Variants in KMT2C observed in about 807,000 individuals in gnomAD.
KMT2C encodes the protein histone-lysine N-methyltransferase 2C.
KMT2C carries 88 observed loss-of-function variants against 507.9 expected under a neutral mutation model. The observed-to-expected ratio is 0.17, with a 90% CI of 0.15 to 0.21. KMT2C has a LOEUF of 0.21. Among genes scored for constraint, KMT2C ranks in the 10% least tolerant of loss-of-function variants. The pLI is 1.00. For synonymous variants in KMT2C, 2,049 were observed against 2,080.8 expected, an observed-to-expected ratio of 0.98 and a Z score of 0.42; for missense variants, 4,954 against 5,957.8, an observed-to-expected ratio of 0.83 and a Z score of 5.55.
chr7:152,176,761 T>A lies in KMT2C; in HGVS notation c.8692A>T (p.Thr2898Ser), dbSNP rs772095859. 1.2e-6 allele frequency: 2 copies of A among 1,614,150 alleles called. No individual in the cohort carries two copies. Among genetic ancestry groups the A allele is most frequent in the Non-Finnish European group, 1.7e-6 (2 of 1,180,018 alleles). ...ATTACATCTTGAGCAGGTAGTTGAG[T>A]GGATGCCTGAATGACATTTGCACTG... ...GPSANVIQAS[T>S]QLPAQDVINS... The change falls in exon 38 of 59, where the codon ACT becomes TCT. Residue 2898 changes from threonine (T) to serine (S), a missense_variant. By Grantham distance (58) the Thr-to-Ser change is moderately conservative. Around this residue, in one of 29 missense-constraint regions of KMT2C, gnomAD observed 1,689 missense variants for 1,654.3 expected, o/e 1.02. Transcript: ENST00000262189.
intron 6 of KMT2C, among the ~76,000 whole-genome samples, chr7:152,285,637 G>A (rs2096283292): frequency 6.6e-6 from 1 of 152,266 alleles, no homozygotes; most frequent in Non-Finnish European, 1.5e-5. Flanking sequence ...GGAATGGGAG[G>A]ACATTATACC....
intron 3 of KMT2C, among the ~76,000 whole-genome samples, chr7:152,317,257 A>T (rs1033707333): frequency 2.0e-5 from 3 of 152,240 alleles, no homozygotes; most frequent in African/African-American, 7.2e-5. Context: ...AAATTATTAA[A>T]GAATTAGAAA....
In KMT2C at chr7:152,162,360, C is replaced by G; in HGVS notation, c.11217G>C (p.Gln3739His). 6.2e-7 allele frequency: 1 copy of G among 1,614,244 alleles called. No individual in the cohort carries two copies. The highest frequency in any genetic ancestry group is 8.5e-7 in the Non-Finnish European group (1 of 1,180,048). The change falls in exon 43 of 59, where the codon CAG becomes CAC. Residue 3739 changes from glutamine to histidine, a missense_variant. Coordinates refer to ENST00000262189, the MANE Select transcript of KMT2C (RefSeq NM_170606.3). The stretch of plus-strand genomic sequence containing the variant: ...CGTTTCCTTCTACCTTACTACCATT[C>G]TGTTCCTCCAATTTAGGCTCCTCTT... Reference protein sequence around the residue: ...PGQEEPKLEEQNGSKVEGNAV... With the variant: ...PGQEEPKLEEHNGSKVEGNAV...
At chr7:152,180,563 A>G in intron 36 of KMT2C, 148 bp downstream of exon 36, 1 of 623,504 alleles carries the variant, frequency 1.6e-6, no homozygotes, top group Non-Finnish European at 2.7e-6. Context: ...TAATTTCATC[A>G]ATTTCATTTT....
intron 26 of KMT2C, among the ~76,000 whole-genome samples, chr7:152,201,442 A>G (rs1269128394): frequency 6.6e-6 from 1 of 152,044 alleles, no homozygotes; most frequent in Non-Finnish European, 1.5e-5. Context: ...TTGCCAAAGT[A>G]TTAAATGGCT....
In KMT2C at chr7:152,148,859, T is replaced by C. The variant is rs1355031213; in HGVS notation, c.13068A>G (p.Lys4356=). ...CAATATGAATGCTCCACTTCTTCCA[T>C]TTCATTCCTCTCCATTTTTTATTGA... ...RPLNKKWRGM[K]WKKWSIHIVI... The change falls in exon 52 of 59, where the codon AAA becomes AAG. Residue 4356 remains lysine (K), a synonymous_variant. Transcript: ENST00000262189. This position sits in a 1 kb window ranked among gnomAD's most constrained non-coding sequence, Gnocchi z 7.1. 1.9e-6 allele frequency: 3 copies of C among 1,614,246 alleles called. No individual in the cohort carries two copies. Among genetic ancestry groups the C allele is most frequent in the Non-Finnish European group, 2.5e-6 (3 of 1,180,040 alleles).
intron 2 of KMT2C, among the ~76,000 whole-genome samples, chr7:152,353,647 A>G (rs1340117591): frequency 6.6e-6 from 1 of 151,958 alleles, no homozygotes; most frequent in African/African-American, 2.4e-5. Flanking sequence ...ACAGGTGCAC[A>G]CCATCACACC....
At chr7:152,378,386 C>T (rs2097345260) in intron 1 of KMT2C, among the ~76,000 whole-genome samples, 1 of 152,242 alleles carries the variant, frequency 6.6e-6, no homozygotes, top group Non-Finnish European at 1.5e-5. Flanking sequence ...CCAACATCCT[C>T]TATCAGCAAA....
intron 18 of KMT2C, among the ~76,000 whole-genome samples, chr7:152,225,525 GTGAAGACAGAACACGT>G (rs1233688029): frequency 1.3e-5 from 2 of 152,228 alleles, no homozygotes; most frequent in Non-Finnish European, 2.9e-5. Context: ...GCAACTATGT[GTGAAGACAGAACACGT>G]TGTAGACACA....
chr7:152,315,452 CT>C (rs1389815870), intron 3 of KMT2C, 114 bp from the exon 4 acceptor site: 2 of 692,698 alleles, frequency 2.9e-6, no homozygotes, highest in East Asian at 5.3e-5. Flanking sequence ...ACAAGCTAAG[CT>C]TTTCAATCTA....
intron 8 of KMT2C, among the ~76,000 whole-genome samples, chr7:152,263,739 A>G (rs1223369685): frequency 1.3e-5 from 2 of 152,364 alleles, no homozygotes; most frequent in Middle Eastern, 3.4e-3. Context: ...GAACCTTGTC[A>G]TAATTATTAA....
intron 6 of KMT2C, among the ~76,000 whole-genome samples, chr7:152,280,451 T>G (rs546991078): frequency 6.6e-6 from 1 of 152,218 alleles, no homozygotes; most frequent in South Asian, 2.1e-4. Context: ...CCTGGGAGGC[T>G]GAGGCACGAG....
chr7:152,325,467 T>G (rs981197273), intron 3 of KMT2C, among the ~76,000 whole-genome samples: 28 of 141,038 alleles, frequency 2.0e-4, no homozygotes, highest in African/African-American at 3.8e-4. Context: ...TTTATGTGTG[T>G]TTTTTTTTTT....
rs2129132991 is a variant in KMT2C, at chr7:152,199,321, G to A, written c.4231C>T (p.Leu1411=). The change falls in exon 27 of 59, where the codon CTA becomes TTA. Residue 1411 remains leucine (L), a synonymous_variant. Coordinates refer to ENST00000262189, the MANE Select transcript of KMT2C (RefSeq NM_170606.3). ...GTTGGAGCCGAGGATGAACTAAGTAGTGGATCTAAGGAAGGATCCAAGAAA... is the reference window on the plus strand; with the variant it reads ...GTTGGAGCCGAGGATGAACTAAGTAATGGATCTAAGGAAGGATCCAAGAAA... ...TGFLDPSLDP[L]LSSSSAPTKS... The A allele has an allele frequency of 1.9e-6, 3 of 1,601,310 alleles. No individual in the cohort carries two copies. The highest frequency in any genetic ancestry group is 2.6e-6 in the Non-Finnish European group (3 of 1,175,784).
intron 6 of KMT2C, among the ~76,000 whole-genome samples, chr7:152,294,814 C>T (rs1478742549): frequency 1.3e-5 from 2 of 152,104 alleles, no homozygotes; most frequent in East Asian, 1.9e-4. Context: ...TTCTACTATA[C>T]TTCCTGTAAC....
At chr7:152,217,129 A>G (rs919833093) in intron 23 of KMT2C, among the ~76,000 whole-genome samples, 1 of 152,296 alleles carries the variant, frequency 6.6e-6, no homozygotes, top group Non-Finnish European at 1.5e-5. Context: ...CACGTTAGTG[A>G]AACAGTCTAA....
chr7:152,264,933 G>C lies in KMT2C; in HGVS notation c.1184+105C>G. 2.2e-6 allele frequency: 3 copies of C among 1,367,390 alleles called. No homozygotes were observed. In the South Asian group the frequency reaches 5.4e-5, roughly 25 times the overall value. 84.7% of individuals were successfully genotyped at this position (1,367,390 alleles called of 1,614,324 possible). On this transcript the variant is annotated intron_variant, in intron 8 of 58. Coordinates refer to ENST00000262189, the MANE Select transcript of KMT2C (RefSeq NM_170606.3). ...ATGATGAAGTCACTGAATGAATATA[G>C]CTAAAATATGAACAACCTCTATTAT...
At chr7:152,427,035 AG>A (rs200470283) in intron 1 of KMT2C, among the ~76,000 whole-genome samples, 10,888 of 151,550 alleles carry the variant, frequency 0.072, 544 homozygotes, top group Non-Finnish European at 0.11. Context: ...TTTGTTTTTG[AG>A]ACAGAGTCTC....
chr7:152,238,283 A>G (rs1291544094), intron 15 of KMT2C, among the ~76,000 whole-genome samples: 1 of 152,284 alleles, frequency 6.6e-6, no homozygotes, highest in Non-Finnish European at 1.5e-5. Flanking sequence ...TCATGGGGGA[A>G]AAAGCCTTGT....
Sources: allele counts gnomAD v4.1 joint callset (sites outside exome capture counted in the v4.1 genomes callset), GRCh38; gene constraint gnomAD v4.1.1; regional missense constraint gnomAD v4.1.1; non-coding constraint Gnocchi (gnomAD v3.1); transcripts MANE v1.5; gene names NCBI Gene and HGNC (gene_info 2026-07-23, HGNC 2026-07-21).